The following KCNIP4 variants were observed in gnomAD, a reference collection of about 807,000 sequenced individuals.
The protein encoded by KCNIP4 is Kv channel-interacting protein 4.
In KCNIP4, 12 loss-of-function variants were observed where a neutral mutation model predicts 34.0. The ratio of observed to expected loss-of-function variants is 0.35; its 90% CI spans 0.23 to 0.57. KCNIP4 has a LOEUF of 0.57. KCNIP4 is among the 20% of genes least tolerant of loss of function. The pLI is 0.83. For missense variants in KCNIP4, 238 were observed against 311.7 expected (o/e 0.76, Z 1.78); for synonymous variants, 124 against 102.2 (o/e 1.21, Z -1.29).
At chr4:20,836,940 C>G (rs749657453) in intron 3 of KCNIP4, among the ~76,000 whole-genome samples, 1 of 151,868 alleles carries the variant, frequency 6.6e-6, no homozygotes, top group Non-Finnish European at 1.5e-5. Context: ...ATTAATTTCC[C>G]CTTCCTCCAC....
chr4:21,122,513 C>T (rs1036506995), intron 1 of KCNIP4, among the ~76,000 whole-genome samples: 2 of 150,666 alleles, frequency 1.3e-5, no homozygotes, highest in African/African-American at 4.9e-5. Flanking sequence ...TATTTTCCCC[C>T]AGTTATTCAG....
chr4:20,765,350 G>A (rs1755304406), intron 3 of KCNIP4, among the ~76,000 whole-genome samples: 2 of 152,124 alleles, frequency 1.3e-5, no homozygotes, highest in Admixed American at 1.3e-4. Context: ...AGATGTACAC[G>A]GTGTATTTGT....
rs59663812 is a variant in KCNIP4, at chr4:21,033,921, G to T, written c.62-151212C>A. ...TATTGTGCAGGTTCTGAAGAAAACC[G>T]CATATGGTCTCTCTGGCAAAAGCTA... is the stretch of plus-strand genomic sequence containing the variant. On this transcript the variant is annotated intron_variant, in intron 1 of 8. Coordinates refer to ENST00000382152, the MANE Select transcript of KCNIP4 (RefSeq NM_025221.6). 2.3e-4 allele frequency among the ~76,000 whole-genome samples: 35 copies of T among 152,188 alleles called. 1 individual carries two copies. Among genetic ancestry groups the T allele is most frequent in the African/African-American group, 8.4e-4 (35 of 41,518 alleles).
rs141549231 is a variant in KCNIP4 at position 21,201,720 on chromosome 4, G to A, written c.62-319011C>T. Among the ~76,000 whole-genome samples, 724 of 152,210 alleles carry A rather than the reference G, an allele frequency of 4.8e-3. 3 individuals are homozygous for A. The highest frequency in any genetic ancestry group is 0.017 in the African/African-American group (701 of 41,524). On this transcript the variant is annotated intron_variant, in intron 1 of 8. Coordinates refer to ENST00000382152, the MANE Select transcript of KCNIP4 (RefSeq NM_025221.6). ...TCACCATGTTAGCCAGGAAGGTTTC[G>A]ACCTCCTGACCTCATAATCCACTCA...
intron 1 of KCNIP4, among the ~76,000 whole-genome samples, chr4:21,865,033 TG>T (rs1413655860): frequency 3.3e-5 from 5 of 152,156 alleles, no homozygotes; most frequent in African/African-American, 9.7e-5. Flanking sequence ...CACTTAGTGA[TG>T]GAACTCCATG....
intron 1 of KCNIP4, among the ~76,000 whole-genome samples, chr4:21,733,079 A>T (rs1217465643): frequency 1.3e-5 from 2 of 152,192 alleles, no homozygotes; most frequent in African/African-American, 4.8e-5. Context: ...CTCAACGCTG[A>T]GCAAGAGTAT....
chr4:20,913,397 A>G (rs1014661908), intron 1 of KCNIP4, among the ~76,000 whole-genome samples: 3 of 152,216 alleles, frequency 2.0e-5, no homozygotes, highest in African/African-American at 7.2e-5. Flanking sequence ...GGGAATAGCA[A>G]GTAACTGCTA....
chr4:21,768,331 G>T (rs1718558639), intron 1 of KCNIP4, among the ~76,000 whole-genome samples: 1 of 152,000 alleles, frequency 6.6e-6, no homozygotes, highest in Non-Finnish European at 1.5e-5. Context: ...AACAGTACCA[G>T]AAACTCCTGC....
chr4:20,955,259 G>A (rs1173985517), intron 1 of KCNIP4, among the ~76,000 whole-genome samples: 1 of 152,154 alleles, frequency 6.6e-6, no homozygotes, highest in Non-Finnish European at 1.5e-5. Flanking sequence ...GGCAAAATGT[G>A]TCTACTGTCT....
chr4:20,787,086 T>C (rs1712103663), intron 3 of KCNIP4, among the ~76,000 whole-genome samples: 1 of 152,204 alleles, frequency 6.6e-6, no homozygotes, highest in South Asian at 2.1e-4. Context: ...TCTAGGGACC[T>C]ACTTATTGTG....
chr4:20,916,827 G>T (rs541299329), intron 1 of KCNIP4, among the ~76,000 whole-genome samples: 1 of 151,466 alleles, frequency 6.6e-6, no homozygotes, highest in African/African-American at 2.4e-5. Flanking sequence ...CCTGTGATAT[G>T]ATTAGCTTCT....
intron 1 of KCNIP4, among the ~76,000 whole-genome samples, chr4:21,007,757 G>A (rs1210203672): frequency 6.6e-6 from 1 of 152,186 alleles, no homozygotes; most frequent in African/African-American, 2.4e-5. Context: ...GGGAAGCCCT[G>A]ATTTTGAACA....
chr4:21,094,081 CA>C (rs57083761), intron 1 of KCNIP4, among the ~76,000 whole-genome samples: 18,264 of 145,506 alleles, frequency 0.13, 1,553 homozygotes, highest in African/African-American at 0.25. Context: ...GACTCCGTCT[CA>C]AAAAAAAAAG....
rs531028566 is a variant in KCNIP4, at chr4:21,372,965, G to A, written c.62-490256C>T. On this transcript the variant is annotated intron_variant, in intron 1 of 8. Coordinates refer to ENST00000382152, the MANE Select transcript of KCNIP4 (RefSeq NM_025221.6). ...GTGCCTCATATGGTTGTGTTGATAGGATTTAATTTAAGTGACTGGATGCCT... is the reference window on the plus strand; with the variant it reads ...GTGCCTCATATGGTTGTGTTGATAGAATTTAATTTAAGTGACTGGATGCCT... Among the ~76,000 whole-genome samples, 37 of 145,906 alleles carry A rather than the reference G, an allele frequency of 2.5e-4. 3 individuals are homozygous for A. The East Asian group carries it at 5.2e-3, about 20-fold the overall frequency.
chr4:21,248,017 G>GATAT (rs1272081291), intron 1 of KCNIP4, among the ~76,000 whole-genome samples: 1 of 139,416 alleles, frequency 7.2e-6, no homozygotes, highest in East Asian at 2.1e-4. Context: ...CCCACAGGTG[G>GATAT]ATATATATAT....
intron 1 of KCNIP4, among the ~76,000 whole-genome samples, chr4:20,910,257 T>G (rs2149568813): frequency 6.6e-6 from 1 of 152,068 alleles, no homozygotes; most frequent in Middle Eastern, 3.4e-3. Flanking sequence ...GAAGGAATTT[T>G]TGTGTGTGAT....
At chr4:21,592,372 A>C (rs1742287455) in intron 1 of KCNIP4, among the ~76,000 whole-genome samples, 1 of 152,094 alleles carries the variant, frequency 6.6e-6, no homozygotes, top group Non-Finnish European at 1.5e-5. Flanking sequence ...TCGTTTGGTT[A>C]TTTTAAGTAT....
intron 1 of KCNIP4, among the ~76,000 whole-genome samples, chr4:21,940,831 T>C (rs1219106764): frequency 6.6e-6 from 1 of 152,182 alleles, no homozygotes; most frequent in Non-Finnish European, 1.5e-5. Flanking sequence ...TAAATGTCTG[T>C]TTGTTAGTTC....
chr4:21,352,252 T>G (rs967758905), intron 1 of KCNIP4, among the ~76,000 whole-genome samples: 13 of 152,180 alleles, frequency 8.5e-5, no homozygotes, highest in African/African-American at 3.1e-4. Context: ...CTAAGGTACC[T>G]GGTTCATATC....
Sources: allele counts gnomAD v4.1 joint callset (sites outside exome capture counted in the v4.1 genomes callset), GRCh38; gene constraint gnomAD v4.1.1; transcripts MANE v1.5; gene names NCBI Gene and HGNC (gene_info 2026-07-23, HGNC 2026-07-21).